The following NRXN3 variants were observed in gnomAD, a reference collection of about 807,000 sequenced individuals.
The protein encoded by NRXN3 is neurexin 3, also known as neurexin III.
A neutral mutation model predicts 137.6 loss-of-function variants in NRXN3; 32 were observed. The observed-to-expected ratio is 0.23, with a 90% CI of 0.18 to 0.31. The LOEUF (loss-of-function observed/expected upper bound fraction) is 0.31. Ranked by LOEUF, NRXN3 falls within the 10% of genes least tolerant of loss-of-function variation. The probability of loss-of-function intolerance (pLI) is 1.00; values close to 1 mark genes in which losing one functional copy is unlikely to be tolerated. For missense variants in NRXN3, 1,574 were observed against 2,062.5 expected, an observed-to-expected ratio of 0.76 and a Z score of 4.59; for synonymous variants, 798 against 784.5, an observed-to-expected ratio of 1.02 and a Z score of -0.29.
chr14:79,429,725 A>T (rs1208918888), intron 15 of NRXN3, among the ~76,000 whole-genome samples: 2 of 152,080 alleles, frequency 1.3e-5, no homozygotes, highest in African/African-American at 4.8e-5. Context: ...ACTTACCCAG[A>T]TCTATCGTCA....
intron 10 of NRXN3, among the ~76,000 whole-genome samples, chr14:78,861,002 C>T (rs1421138122): frequency 2.0e-5 from 3 of 152,120 alleles, no homozygotes; most frequent in East Asian, 1.9e-4. Context: ...CTGCCATTAC[C>T]GTATTCTGAG....
intron 4 of NRXN3, among the ~76,000 whole-genome samples, chr14:78,613,578 G>GT (rs57745190): frequency 0.074 from 6,980 of 94,810 alleles, 235 homozygotes; most frequent in East Asian, 0.15. Flanking sequence ...CACAACCATA[G>GT]TTTTTTTTTT....
At chr14:79,787,301 C>T (rs891818563) in intron 19 of NRXN3, among the ~76,000 whole-genome samples, 6 of 151,936 alleles carry the variant, frequency 3.9e-5, no homozygotes, top group South Asian at 2.1e-4. Flanking sequence ...ATAGGTACGA[C>T]GTGATGTTTC....
chr14:78,515,700 G>A (rs1416374632), intron 4 of NRXN3, among the ~76,000 whole-genome samples: 2 of 152,040 alleles, frequency 1.3e-5, no homozygotes, highest in Non-Finnish European at 2.9e-5. Flanking sequence ...TGCCACTGGG[G>A]CCGAGATGAC....
At chr14:79,608,267 T>G (rs2098049209) in intron 16 of NRXN3, among the ~76,000 whole-genome samples, 2 of 152,182 alleles carry the variant, frequency 1.3e-5, no homozygotes, top group African/African-American at 2.4e-5. Context: ...AGTTTCAGAA[T>G]TTGGTGGCCT....
chr14:78,720,174 A>G (rs887185991), intron 8 of NRXN3, among the ~76,000 whole-genome samples: 1 of 151,952 alleles, frequency 6.6e-6, no homozygotes, highest in African/African-American at 2.4e-5. Flanking sequence ...CTTTGCCACG[A>G]TATTAAAGGT....
intron 19 of NRXN3, among the ~76,000 whole-genome samples, chr14:79,745,659 T>C (rs1425479893): frequency 6.6e-6 from 1 of 152,094 alleles, no homozygotes; most frequent in African/African-American, 2.4e-5. Context: ...TGTAATTAAG[T>C]ACCACACACT....
At chr14:78,349,496 A>G (rs1333553141) in intron 4 of NRXN3, among the ~76,000 whole-genome samples, 1 of 152,170 alleles carries the variant, frequency 6.6e-6, no homozygotes, top group African/African-American at 2.4e-5. Flanking sequence ...CTTCTTCCAC[A>G]ATTTCTCCCA....
chr14:78,574,037 A>G (rs1409304650), intron 4 of NRXN3, among the ~76,000 whole-genome samples: 1 of 152,242 alleles, frequency 6.6e-6, no homozygotes, highest in Admixed American at 6.5e-5. Flanking sequence ...GGGCCAATGT[A>G]GAGCTCAGGC....
chr14:79,251,145 C>G (rs1344206436), intron 15 of NRXN3, among the ~76,000 whole-genome samples: 1 of 152,056 alleles, frequency 6.6e-6, no homozygotes, highest in Non-Finnish European at 1.5e-5. Context: ...AAATAAGTAG[C>G]CACTGAAGGA....
intron 4 of NRXN3, among the ~76,000 whole-genome samples, chr14:78,400,093 A>G (rs1401622964): frequency 2.0e-5 from 3 of 152,288 alleles, no homozygotes; most frequent in Admixed American, 1.3e-4. Flanking sequence ...ACTGTAAAAC[A>G]TTTTACTTCA....
chr14:79,857,466 C>T (rs2099405277), intron 20 of NRXN3, among the ~76,000 whole-genome samples: 1 of 152,124 alleles, frequency 6.6e-6, no homozygotes, highest in Non-Finnish European at 1.5e-5. Flanking sequence ...TCATGATCCG[C>T]CTGCCTCGGC....
At chr14:78,888,704 T>G (rs770664690) in intron 10 of NRXN3, among the ~76,000 whole-genome samples, 2 of 152,010 alleles carry the variant, frequency 1.3e-5, no homozygotes, top group African/African-American at 2.4e-5. Flanking sequence ...GTGAAGAAAA[T>G]TCAATTTTTA....
chr14:78,935,852 C>T (rs565453509), intron 10 of NRXN3, among the ~76,000 whole-genome samples: 1 of 152,200 alleles, frequency 6.6e-6, no homozygotes, highest in East Asian at 1.9e-4. Context: ...CAACTTTGTC[C>T]CCCCACCTTC....
chr14:79,678,786 G>A (rs2098654286), intron 17 of NRXN3, among the ~76,000 whole-genome samples: 1 of 152,106 alleles, frequency 6.6e-6, no homozygotes, highest in Non-Finnish European at 1.5e-5. Flanking sequence ...GCATGAACTT[G>A]AGTAGGCAAA....
intron 15 of NRXN3, among the ~76,000 whole-genome samples, chr14:79,365,091 G>T (rs1489686017): frequency 6.6e-6 from 1 of 152,072 alleles, no homozygotes; most frequent in East Asian, 1.9e-4. Flanking sequence ...TATATAAAAA[G>T]GAAATGATCA....
At chr14:79,086,948 G>C (rs542986977) in intron 15 of NRXN3, among the ~76,000 whole-genome samples, 1 of 152,304 alleles carries the variant, frequency 6.6e-6, no homozygotes, top group African/African-American at 2.4e-5. Flanking sequence ...GTCTGTAAGA[G>C]CTCAGGTGAT....
At chr14:78,948,607 A>C (rs533421164) in intron 10 of NRXN3, among the ~76,000 whole-genome samples, 1 of 125,270 alleles carries the variant, frequency 8.0e-6, no homozygotes. Flanking sequence ...ACTCACTTTC[A>C]TTTACAATAT....
chr14:78,951,761 G>C (rs2099387541), intron 10 of NRXN3, among the ~76,000 whole-genome samples: 1 of 152,090 alleles, frequency 6.6e-6, no homozygotes, highest in South Asian at 2.1e-4. Context: ...CACAGTGCCT[G>C]GTTGCCTTCT....
Sources: gnomAD v4.1 joint callset for allele counts (sites outside exome capture counted in the v4.1 genomes callset) on GRCh38, gnomAD v4.1.1 for gene constraint, MANE v1.5 for transcripts, NCBI Gene and HGNC (gene_info 2026-07-23, HGNC 2026-07-21) for gene names.